STK32B: variants seen among roughly 807,000 people sequenced by gnomAD.
STK32B encodes the protein serine/threonine kinase 32B, also known as serine/threonine-protein kinase 32B.
A neutral mutation model predicts 52.6 loss-of-function variants in STK32B; 43 were observed. The ratio of observed to expected loss-of-function variants is 0.82; its 90% CI spans 0.64 to 1.05. The LOEUF (loss-of-function observed/expected upper bound fraction) is 1.05. Ranked by LOEUF, STK32B falls within the 50% of genes least tolerant of loss-of-function variation. STK32B has a pLI of 0.00. For missense variants in STK32B, 621 were observed against 534.6 expected (o/e 1.16, Z -1.59); for synonymous variants, 238 against 204.3 (o/e 1.17, Z -1.41).
intron 8 of STK32B, 120 bp from the exon 9 acceptor site, chr4:5,459,983 A>G (rs778371052): frequency 1.4e-6 from 2 of 1,445,628 alleles, no homozygotes; most frequent in Non-Finnish European, 1.9e-6. Context: ...ACGGGGCACA[A>G]CATCAATAGA....
intron 2 of STK32B, among the ~76,000 whole-genome samples, chr4:5,141,613 G>A (rs910100375): frequency 6.6e-6 from 1 of 152,306 alleles, no homozygotes; most frequent in East Asian, 1.9e-4. Context: ...CCTGGGAGGG[G>A]CCACAGCAGC....
chr4:5,323,701 A>C (rs2108942738), intron 3 of STK32B, among the ~76,000 whole-genome samples: 1 of 152,318 alleles, frequency 6.6e-6, no homozygotes, highest in Middle Eastern at 3.4e-3. Flanking sequence ...TGGGTGTTTC[A>C]GGCGTTTGTG....
intron 3 of STK32B, among the ~76,000 whole-genome samples, chr4:5,271,367 G>A (rs1023679752): frequency 5.3e-5 from 8 of 152,138 alleles, no homozygotes; most frequent in Non-Finnish European, 1.2e-4. Flanking sequence ...TAAATAAATG[G>A]AGATGGATGC....
At chr4:5,019,867 A>G in the STK32B span, among the ~76,000 whole-genome samples, 1 of 152,132 alleles carries the variant, frequency 6.6e-6, no homozygotes, top group South Asian at 2.1e-4. Flanking sequence ...CAAAATGGAT[A>G]TAGTGCCAGG....
At chr4:5,254,135 T>C (rs1018859164) in intron 3 of STK32B, among the ~76,000 whole-genome samples, 1 of 152,234 alleles carries the variant, frequency 6.6e-6, no homozygotes, top group African/African-American at 2.4e-5. Flanking sequence ...TTTTTGCCTA[T>C]GTTAGCTTTC....
intron 3 of STK32B, among the ~76,000 whole-genome samples, chr4:5,232,186 G>A (rs10012160): frequency 0.93 from 141,919 of 152,228 alleles, 66,625 homozygotes; most frequent in Non-Finnish European, 1. Flanking sequence ...TTAATTTTCT[G>A]TAATAGAATG....
intron 8 of STK32B, 76 bp downstream of exon 8, chr4:5,456,999 G>A: frequency 9.3e-7 from 1 of 1,075,562 alleles, no homozygotes. Flanking sequence ...GCAAACGAAG[G>A]GGTGAGAATA....
intron 1 of STK32B, among the ~76,000 whole-genome samples, chr4:5,119,488 G>C (rs895007430): frequency 1.3e-5 from 2 of 152,234 alleles, no homozygotes; most frequent in Non-Finnish European, 2.9e-5. Flanking sequence ...AGCTGTGCTT[G>C]ACAGTGGGAA....
chr4:5,259,860 TATA>T (rs1726582659), intron 3 of STK32B, among the ~76,000 whole-genome samples: 1 of 152,042 alleles, frequency 6.6e-6, no homozygotes, highest in African/African-American at 2.4e-5. Context: ...GTTTGGAGCT[TATA>T]ATCCTGCTCG....
At chr4:5,024,041 C>T in the STK32B span, among the ~76,000 whole-genome samples, 1 of 152,274 alleles carries the variant, frequency 6.6e-6, no homozygotes, top group East Asian at 1.9e-4. Context: ...TAGAGGGAAT[C>T]TGGAGCTCAG....
chr4:5,161,486 G>C (rs1475238658), intron 2 of STK32B, among the ~76,000 whole-genome samples: 1 of 152,308 alleles, frequency 6.6e-6, no homozygotes, highest in East Asian at 1.9e-4. Flanking sequence ...TTACATCCGT[G>C]TTCAAGGTAG....
chr4:5,356,466 C>A (rs1734175183), intron 4 of STK32B, among the ~76,000 whole-genome samples: 1 of 152,190 alleles, frequency 6.6e-6, no homozygotes, highest in African/African-American at 2.4e-5. Context: ...CAGCCCACTA[C>A]AATCATGTTC....
intron 3 of STK32B, among the ~76,000 whole-genome samples, chr4:5,237,314 T>A (rs943411752): frequency 6.6e-6 from 1 of 152,212 alleles, no homozygotes; most frequent in Admixed American, 6.5e-5. Flanking sequence ...GACAGCTGCC[T>A]GCAGGGGACT....
intron 4 of STK32B, among the ~76,000 whole-genome samples, chr4:5,334,679 A>T (rs1190924236): frequency 6.6e-6 from 1 of 150,566 alleles, no homozygotes; most frequent in Non-Finnish European, 1.5e-5. Flanking sequence ...GAGAGTTTTT[A>T]GCCTGAAGGG....
At chr4:5,079,024 T>G (rs1712247640) in intron 1 of STK32B, among the ~76,000 whole-genome samples, 2 of 152,230 alleles carry the variant, frequency 1.3e-5, no homozygotes, top group Non-Finnish European at 2.9e-5. Context: ...AAAAAAGCGT[T>G]CTCATCACCC....
intron 3 of STK32B, among the ~76,000 whole-genome samples, chr4:5,310,643 T>C (rs1237940650): frequency 6.6e-6 from 1 of 151,564 alleles, no homozygotes; most frequent in Admixed American, 6.6e-5. Flanking sequence ...CCTAAAAAAA[T>C]AGAAAAAAAA....
the STK32B span, among the ~76,000 whole-genome samples, chr4:5,044,425 T>TCTC: frequency 3.9e-5 from 6 of 151,926 alleles, no homozygotes; most frequent in African/African-American, 1.2e-4. Context: ...GGACTCCCAA[T>TCTC]CTCCTCCTTC....
Position 5,470,552 on chromosome 4 carries a change from G to C in STK32B, c.1106+2482G>C, listed in dbSNP as rs1717778162. Among the ~76,000 whole-genome samples, 1 of 152,114 alleles carries C rather than the reference G, an allele frequency of 6.6e-6. No individual in the cohort carries two copies. Among genetic ancestry groups the C allele is most frequent in the South Asian group, 2.1e-4 (1 of 4,822 alleles). ...ATAGGCTTCCTGTCACAGCAGGCGT[G>C]CAGGCTTACTGCCATATAAAGGTGT... On this transcript the variant is annotated intron_variant, in intron 11 of 11. Coordinates refer to ENST00000282908, the MANE Select transcript of STK32B (RefSeq NM_018401.3). The surrounding 1 kb of genome is among the most constrained non-coding windows in gnomAD (Gnocchi z 4.6).
chr4:5,128,490 C>T (rs531105227), intron 1 of STK32B, among the ~76,000 whole-genome samples: 2 of 152,138 alleles, frequency 1.3e-5, no homozygotes, highest in Non-Finnish European at 2.9e-5. Context: ...CATATGATTT[C>T]CTGAGTGCTT....
Sources: allele counts gnomAD v4.1 joint callset (sites outside exome capture counted in the v4.1 genomes callset), GRCh38; gene constraint gnomAD v4.1.1; non-coding constraint Gnocchi (gnomAD v3.1); transcripts MANE v1.5; gene names NCBI Gene and HGNC (gene_info 2026-07-23, HGNC 2026-07-21).